Variants in STAU1 observed in about 807,000 individuals in gnomAD.
The protein encoded by STAU1 is staufen double-stranded RNA binding protein 1.
Under a neutral mutation model 62.9 loss-of-function variants are expected in STAU1, and 13 were observed. The observed-to-expected ratio is 0.21, with a 90% CI of 0.13 to 0.33. The LOEUF (loss-of-function observed/expected upper bound fraction) is 0.33. STAU1 is among the 10% of genes least tolerant of loss of function. The pLI is 1.00. For missense variants in STAU1, 571 were observed against 712.1 expected, an observed-to-expected ratio of 0.80 and a Z score of 2.25; for synonymous variants, 269 against 265.1, an observed-to-expected ratio of 1.01 and a Z score of -0.14.
chr20:49,124,009 C>T (rs755022054), intron 7 of STAU1, among the ~76,000 whole-genome samples: 18 of 152,180 alleles, frequency 1.2e-4, no homozygotes, highest in Non-Finnish European at 2.5e-4. Flanking sequence ...TCCTGCCTGG[C>T]ACAAATCTCC....
At chr20:49,212,208 C>T in the STAU1 span, among the ~76,000 whole-genome samples, 11 of 152,046 alleles carry the variant, frequency 7.2e-5, no homozygotes, top group Non-Finnish European at 1.6e-4. Flanking sequence ...AGGCTGGTCT[C>T]CAACTCCTGA....
intron 5 of STAU1, among the ~76,000 whole-genome samples, chr20:49,143,849 TATACCTGAAAAAAA>T (rs2093063457): frequency 6.6e-6 from 1 of 152,162 alleles, no homozygotes; most frequent in African/African-American, 2.4e-5. Flanking sequence ...GGAAGGCATA[TATACCTGAAAAAAA>T]GCAAGGTCCT....
chr20:49,126,577 A>AAAAAAAAAAAAAAAAAAAAAAC (rs1555837188), intron 6 of STAU1, among the ~76,000 whole-genome samples: 7 of 35,018 alleles, frequency 2.0e-4, no homozygotes, highest in Non-Finnish European at 3.2e-4. Flanking sequence ...CAAAAAGCAA[A>AAAAAAAAAAAAAAAAAAAAAAC]AAAAAAAAAA....
chr20:49,147,369 C>T (rs979683448), intron 5 of STAU1, among the ~76,000 whole-genome samples: 2 of 152,240 alleles, frequency 1.3e-5, no homozygotes, highest in South Asian at 4.1e-4. Context: ...GCCCTGTAGA[C>T]AGCAAGCGCT....
At chr20:49,174,554 T>C (rs1164195647) in intron 1 of STAU1, among the ~76,000 whole-genome samples, 2 of 150,814 alleles carry the variant, frequency 1.3e-5, no homozygotes, top group East Asian at 2.0e-4. Context: ...ACCCCATCTC[T>C]ACTAAAAATA....
intron 8 of STAU1, among the ~76,000 whole-genome samples, chr20:49,122,703 G>C (rs2092492935): frequency 6.6e-6 from 1 of 151,958 alleles, no homozygotes; most frequent in Admixed American, 6.6e-5. Context: ...GGATCACAAG[G>C]TCAGGAGATC....
intron 3 of STAU1, among the ~76,000 whole-genome samples, chr20:49,158,665 C>T (rs559665884): frequency 6.6e-6 from 1 of 152,062 alleles, no homozygotes; most frequent in South Asian, 2.1e-4. Flanking sequence ...CAAAAATTAG[C>T]CAGGCGTGGT....
At chr20:49,204,628 A>G in the STAU1 span, among the ~76,000 whole-genome samples, 301 of 50,998 alleles carry the variant, frequency 5.9e-3, 1 homozygote, top group Middle Eastern at 0.019. Context: ...ATATATGTGT[A>G]TATATATATA....
intron 13 of STAU1, 145 bp downstream of exon 13, chr20:49,115,637 A>G: frequency 1.4e-6 from 1 of 723,210 alleles, no homozygotes; most frequent in East Asian, 2.5e-5. Context: ...TTCTGCCCAG[A>G]GAATCTGGAA....
At chr20:49,179,247 CA>C (rs60527172) in intron 1 of STAU1, 53,174 of 120,100 alleles carry the variant, frequency 0.44, 9,519 homozygotes, top group Middle Eastern at 0.54. Flanking sequence ...AACTCCACCT[CA>C]AAAAAAAAAA....
At chr20:49,159,249 G>C (rs2093414563) in intron 3 of STAU1, 1 of 702,814 alleles carries the variant, frequency 1.4e-6, no homozygotes, top group Admixed American at 5.9e-5. Flanking sequence ...CATTCTGTTG[G>C]TGTAGCAAGG....
At chr20:49,136,729 G>A (rs1303917906) in intron 5 of STAU1, among the ~76,000 whole-genome samples, 1 of 151,540 alleles carries the variant, frequency 6.6e-6, no homozygotes, top group African/African-American at 2.4e-5. Context: ...ATGGAGTCTC[G>A]CTCTGTTGCC....
At chr20:49,199,301 G>T in the STAU1 span, among the ~76,000 whole-genome samples, 1 of 150,658 alleles carries the variant, frequency 6.6e-6, no homozygotes, top group African/African-American at 2.4e-5. Context: ...CGCGATCTCG[G>T]CTCACTGCAA....
intron 3 of STAU1, among the ~76,000 whole-genome samples, chr20:49,161,685 GGAAGTGAAAACGTTAAGAGCACT>G (rs1234481957): frequency 6.6e-6 from 1 of 152,148 alleles, no homozygotes; most frequent in Non-Finnish European, 1.5e-5. Flanking sequence ...CACATGAGAA[GGAAGTGAAAACGTTAAGAGCACT>G]GAAGTCAACT....
At chr20:49,206,105 C>T in the STAU1 span, among the ~76,000 whole-genome samples, 1 of 151,174 alleles carries the variant, frequency 6.6e-6, no homozygotes, top group Non-Finnish European at 1.5e-5. Context: ...GCCTCAGTCT[C>T]CCAAGTAGCT....
At chr20:49,131,618 A>C (rs1200046298) in intron 6 of STAU1, among the ~76,000 whole-genome samples, 1 of 152,090 alleles carries the variant, frequency 6.6e-6, no homozygotes, top group Non-Finnish European at 1.5e-5. Flanking sequence ...CAAGGCAGGC[A>C]GATCGCTTGA....
the STAU1 span, among the ~76,000 whole-genome samples, chr20:49,208,458 C>T: frequency 6.6e-6 from 1 of 151,940 alleles, no homozygotes; most frequent in Non-Finnish European, 1.5e-5. Context: ...CTGCCTTGGC[C>T]TCTCAAAGTG....
At chr20:49,156,327 A>T (rs997593839) in intron 3 of STAU1, among the ~76,000 whole-genome samples, 3 of 152,202 alleles carry the variant, frequency 2.0e-5, no homozygotes, top group Non-Finnish European at 4.4e-5. Context: ...GTCAGGCGTT[A>T]AGGCATCATA....
chr20:49,157,352 T>A lies in STAU1; in HGVS notation c.206-3281A>T, dbSNP rs555138416. 3.4e-4 allele frequency among the ~76,000 whole-genome samples: 52 copies of A among 152,270 alleles called. 1 individual carries two copies. In the South Asian group the frequency reaches 4.1e-3, roughly 12 times the overall value. On this transcript the variant is annotated intron_variant, in intron 3 of 13. Coordinates refer to ENST00000371856, the MANE Select transcript of STAU1 (RefSeq NM_017453.4). ...TTCAGTTTTTGAAATGGGGTCTTGC[T>A]CTGCTGTCCAGGCTGGAGCTCAAAT...
Sources: allele counts gnomAD v4.1 joint callset (sites outside exome capture counted in the v4.1 genomes callset), GRCh38; gene constraint gnomAD v4.1.1; transcripts MANE v1.5; gene names NCBI Gene and HGNC (gene_info 2026-07-23, HGNC 2026-07-21).